The following SCFD2 variants were observed in gnomAD, a reference collection of about 807,000 sequenced individuals.
SCFD2 encodes the protein sec1 family domain containing 2, also known as sec1 family domain-containing protein 2.
Under a neutral mutation model 58.9 loss-of-function variants are expected in SCFD2, and 54 were observed. The observed-to-expected ratio is 0.92, with a 90% CI of 0.74 to 1.15. The LOEUF (loss-of-function observed/expected upper bound fraction) is 1.15, where lower values mean the gene tolerates loss of function less well. Ranked by LOEUF, SCFD2 falls within the 50% of genes most tolerant of loss-of-function variation. The pLI, the probability that SCFD2 is intolerant of heterozygous loss-of-function variation, is 0.00. For missense variants in SCFD2, 805 were observed against 836.6 expected (o/e 0.96, Z 0.47); for synonymous variants, 321 against 335.9 (o/e 0.96, Z 0.49).
intron 7 of SCFD2, among the ~76,000 whole-genome samples, chr4:52,895,296 T>C (rs529857129): frequency 1.3e-5 from 2 of 152,242 alleles, no homozygotes; most frequent in Non-Finnish European, 2.9e-5. Flanking sequence ...GCATTAGGTA[T>C]ATCTCCTAAT....
At chr4:53,051,855 A>G (rs1178610524) in intron 5 of SCFD2, among the ~76,000 whole-genome samples, 1 of 152,196 alleles carries the variant, frequency 6.6e-6, no homozygotes, top group Non-Finnish European at 1.5e-5. Context: ...AATTTCTAAA[A>G]GTCAAAGATG....
intron 5 of SCFD2, among the ~76,000 whole-genome samples, chr4:53,062,706 C>T (rs1723549246): frequency 6.6e-6 from 1 of 152,124 alleles, no homozygotes; most frequent in Admixed American, 6.6e-5. Flanking sequence ...TAATAATTTA[C>T]TCAGCTCTTA....
chr4:53,333,208 A>G (rs1490974742), intron 2 of SCFD2, among the ~76,000 whole-genome samples: 1 of 144,178 alleles, frequency 6.9e-6, no homozygotes, highest in African/African-American at 2.6e-5. Context: ...CATCCCCATC[A>G]AGCTACCAAT....
chr4:53,190,711 A>G (rs908939384), intron 4 of SCFD2, among the ~76,000 whole-genome samples: 1 of 152,234 alleles, frequency 6.6e-6, no homozygotes, highest in African/African-American at 2.4e-5. Context: ...TGAATCCTCA[A>G]TGCCAAGGAA....
intron 4 of SCFD2, among the ~76,000 whole-genome samples, chr4:53,238,017 C>T (rs1460213276): frequency 6.4e-5 from 9 of 141,158 alleles, no homozygotes; most frequent in Non-Finnish European, 9.3e-5. Context: ...ATCCCCCCAC[C>T]TCCCTCCAAG....
At chr4:53,226,398 G>A (rs557260830) in intron 4 of SCFD2, among the ~76,000 whole-genome samples, 2 of 152,038 alleles carry the variant, frequency 1.3e-5, no homozygotes, top group African/African-American at 4.8e-5. Flanking sequence ...ATGTATAATT[G>A]ATATATATTG....
chr4:53,278,358 T>TAAA (rs771974130), intron 3 of SCFD2, among the ~76,000 whole-genome samples: 5 of 122,210 alleles, frequency 4.1e-5, no homozygotes, highest in East Asian at 2.4e-4. Flanking sequence ...GACTCCATCT[T>TAAA]AAAAAAAAAA....
intron 2 of SCFD2, among the ~76,000 whole-genome samples, chr4:53,343,220 A>G (rs1352346138): frequency 6.6e-6 from 1 of 152,198 alleles, no homozygotes; most frequent in Non-Finnish European, 1.5e-5. Context: ...TAACAAGACT[A>G]ATAAAAGAGA....
intron 4 of SCFD2, among the ~76,000 whole-genome samples, chr4:53,262,520 TGCTG>T (rs1730859631): frequency 6.6e-6 from 1 of 152,196 alleles, no homozygotes; most frequent in Admixed American, 6.5e-5. Flanking sequence ...AGCTTAGTTT[TGCTG>T]GATACAAAAT....
chr4:53,059,404 C>T (rs7664855), intron 5 of SCFD2, among the ~76,000 whole-genome samples: 1,931 of 152,206 alleles, frequency 0.013, 46 homozygotes, highest in African/African-American at 0.044. Context: ...ATACTTTTAG[C>T]TCCATGTTAG....
chr4:53,202,742 A>G (rs1384669305), intron 4 of SCFD2, among the ~76,000 whole-genome samples: 1 of 152,088 alleles, frequency 6.6e-6, no homozygotes, highest in Non-Finnish European at 1.5e-5. Flanking sequence ...GGTCCTTCAC[A>G]TCCCTTGTAA....
chr4:52,874,099 A>AG, intron 8 of SCFD2, 38 bp from the exon 9 acceptor site: 2 of 1,345,404 alleles, frequency 1.5e-6, no homozygotes, highest in Non-Finnish European at 2.1e-6. Flanking sequence ...GCAGGGAATT[A>AG]GGGGGGCCAA....
At chr4:52,878,221 T>C (rs917662677) in intron 8 of SCFD2, among the ~76,000 whole-genome samples, 2 of 152,204 alleles carry the variant, frequency 1.3e-5, no homozygotes, top group African/African-American at 2.4e-5. Flanking sequence ...AGGTCTTTGA[T>C]TGAGTCAGTT....
rs1246445616 is a variant in SCFD2, at chr4:53,352,800, A to T, written c.839-34T>A. The T allele has an allele frequency of 1.9e-6, 3 of 1,574,082 alleles. No individual in the cohort carries two copies. The South Asian group carries it at 3.4e-5, about 18-fold the overall frequency. On this transcript the variant is annotated intron_variant, in intron 1 of 8. Coordinates refer to ENST00000401642, the MANE Select transcript of SCFD2 (RefSeq NM_152540.4). ...GCAGACAAGATGATGTAAATTCATAAAATGGGAGGAAAAAGCAAGTTGGAT... is the reference window on the plus strand; with the variant it reads ...GCAGACAAGATGATGTAAATTCATATAATGGGAGGAAAAAGCAAGTTGGAT...
intron 5 of SCFD2, among the ~76,000 whole-genome samples, chr4:53,002,050 C>T (rs1334118210): frequency 6.6e-6 from 1 of 152,052 alleles, no homozygotes; most frequent in Non-Finnish European, 1.5e-5. Flanking sequence ...ATTGGATGTC[C>T]TGTAATAATC....
At chr4:53,202,440 A>T (rs1728276158) in intron 4 of SCFD2, among the ~76,000 whole-genome samples, 1 of 150,794 alleles carries the variant, frequency 6.6e-6, no homozygotes, top group Non-Finnish European at 1.5e-5. Flanking sequence ...CTTGTAGTAT[A>T]GTTTGAAGTC....
chr4:53,264,347 T>C (rs1165233557), intron 4 of SCFD2, among the ~76,000 whole-genome samples: 1 of 152,136 alleles, frequency 6.6e-6, no homozygotes, highest in African/African-American at 2.4e-5. Context: ...CCTGCAGTGG[T>C]TCTTGGAGCA....
At chr4:53,228,800 G>T (rs1049798797) in intron 4 of SCFD2, among the ~76,000 whole-genome samples, 1 of 152,108 alleles carries the variant, frequency 6.6e-6, no homozygotes, top group Admixed American at 6.6e-5. Context: ...GAAATAAAGG[G>T]CATTCAATTA....
intron 5 of SCFD2, among the ~76,000 whole-genome samples, chr4:52,961,834 C>T (rs1176920002): frequency 1.3e-5 from 2 of 152,034 alleles, no homozygotes; most frequent in Non-Finnish European, 2.9e-5. Flanking sequence ...TAGCTGGTGA[C>T]AGTCATGGCT....
Sources: gnomAD v4.1 joint callset for allele counts (sites outside exome capture counted in the v4.1 genomes callset) on GRCh38, gnomAD v4.1.1 for gene constraint, MANE v1.5 for transcripts, NCBI Gene and HGNC (gene_info 2026-07-23, HGNC 2026-07-21) for gene names.